Variants in GATB observed in about 807,000 individuals in gnomAD.
GATB encodes the protein glutamyl-tRNA amidotransferase subunit B.
In GATB, 39 loss-of-function variants were observed where a neutral mutation model predicts 62.3. The ratio of observed to expected loss-of-function variants is 0.63; its 90% CI spans 0.48 to 0.82. The LOEUF (loss-of-function observed/expected upper bound fraction) is 0.82, where lower values mean the gene tolerates loss of function less well. GATB is among the 40% of genes least tolerant of loss of function. The pLI is 0.00. For missense variants in GATB, 670 were observed against 684.0 expected (o/e 0.98, Z 0.23); for synonymous variants, 276 against 258.9 (o/e 1.07, Z -0.63).
intron 5 of GATB, among the ~76,000 whole-genome samples, chr4:151,714,044 T>C (rs190899276): frequency 6.6e-6 from 1 of 152,342 alleles, no homozygotes; most frequent in Admixed American, 6.5e-5. Context: ...TAGATATTAT[T>C]ATCGTTGAAA....
In GATB at chr4:151,705,278, A is replaced by G. The variant is rs1738693198; in HGVS notation, c.878-9T>C. 1.3e-6 allele frequency: 2 copies of G among 1,570,026 alleles called. No individual in the cohort carries two copies. Among genetic ancestry groups the G allele is most frequent in the Admixed American group, 1.7e-5 (1 of 59,872 alleles). ...CCTCTGAATTTCATAGTCTAGGAAA[A>G]ACACACTAATTTAGCATCATATTTT... On this transcript the variant is annotated splice_polypyrimidine_tract_variant and intron_variant, in intron 6 of 12. Transcript: ENST00000263985.
intron 5 of GATB, among the ~76,000 whole-genome samples, chr4:151,709,312 G>C (rs2126973601): frequency 6.6e-6 from 1 of 152,288 alleles, no homozygotes; most frequent in East Asian, 1.9e-4. Flanking sequence ...CTCAGAGAAA[G>C]GGAAGGGCTC....
At chr4:151,739,395 T>A (rs1739441029) in intron 2 of GATB, among the ~76,000 whole-genome samples, 1 of 152,194 alleles carries the variant, frequency 6.6e-6, no homozygotes, top group Non-Finnish European at 1.5e-5. Flanking sequence ...TTGTCATCTC[T>A]GGTATGCCAA....
At chr4:151,697,967 A>ATGTGTGTG (rs1553967155) in intron 9 of GATB, among the ~76,000 whole-genome samples, 2 of 101,870 alleles carry the variant, frequency 2.0e-5, no homozygotes, top group Admixed American at 9.7e-5. Flanking sequence ...ATATATATAT[A>ATGTGTGTG]TATATATATA....
At position 151,746,749 on chromosome 4, in the gene GATB, C is replaced by T. The variant is rs80096067; in HGVS notation, c.327+12023G>A. Among the ~76,000 whole-genome samples, 836 of 152,248 alleles carry T rather than the reference C, an allele frequency of 5.5e-3. 2 individuals carry two copies. Among genetic ancestry groups the T allele is most frequent in the Non-Finnish European group, 9.6e-3 (656 of 68,020 alleles). Reference sequence around the variant, plus strand: ...AACATTCAGAATAAGGGTTACTAATCAGAACGGGGAGGGGGTTGGTCAAGA... The same window carrying T: ...AACATTCAGAATAAGGGTTACTAATTAGAACGGGGAGGGGGTTGGTCAAGA... On this transcript the variant is annotated intron_variant, in intron 2 of 12. Coordinates refer to ENST00000263985, the MANE Select transcript of GATB (RefSeq NM_004564.3).
At chr4:151,740,311 G>T (rs141484965) in intron 2 of GATB, among the ~76,000 whole-genome samples, 1 of 152,158 alleles carries the variant, frequency 6.6e-6, no homozygotes, top group Admixed American at 6.5e-5. Flanking sequence ...CATGAACATC[G>T]TAAGAGTGTA....
At chr4:151,673,289 T>G in intron 11 of GATB, 1 of 168,334 alleles carries the variant, frequency 5.9e-6, no homozygotes, top group Non-Finnish European at 1.3e-5. Flanking sequence ...GAGGTGCCCA[T>G]CACTCATGGG....
chr4:151,760,733 T>C (rs1739936568), intron 1 of GATB, 74 bp downstream of exon 1: 2 of 1,376,474 alleles, frequency 1.5e-6, no homozygotes, highest in Non-Finnish European at 1.9e-6. Context: ...AGCTGGGCCG[T>C]AATTGCCATT....
At chr4:151,680,034 G>A (rs1348915342) in intron 10 of GATB, 143 bp from the exon 11 acceptor site, 2 of 643,518 alleles carry the variant, frequency 3.1e-6, no homozygotes, top group Admixed American at 5.6e-5. Flanking sequence ...GGCCAACTGG[G>A]CTCTCTTTTA....
intron 9 of GATB, among the ~76,000 whole-genome samples, chr4:151,698,901 T>TTA (rs1286732893): frequency 6.6e-6 from 1 of 151,954 alleles, no homozygotes; most frequent in Non-Finnish European, 1.5e-5. Context: ...TCCAATCAAG[T>TTA]TAACCACTAC....
intron 2 of GATB, chr4:151,722,249 A>T (rs1444917957): frequency 2.8e-6 from 2 of 702,060 alleles, no homozygotes. Flanking sequence ...TCTATAAAGC[A>T]CTAAACTTTA....
In GATB at chr4:151,760,816, G is replaced by T; in HGVS notation, c.167C>A (p.Thr56Lys). 6.2e-7 allele frequency: 1 copy of T among 1,603,194 alleles called. No individual in the cohort carries two copies. Among genetic ancestry groups the T allele is most frequent in the Non-Finnish European group, 8.5e-7 (1 of 1,174,514 alleles). Reference sequence around the variant, plus strand: ...GTATGAAACAGAATACCCTTTCCTCGTCTTCTGGGCCGTGTGGAGGGGCTG... The same window carrying T: ...GTATGAAACAGAATACCCTTTCCTCTTCTTCTGGGCCGTGTGGAGGGGCTG... ...AQQPLHTAQK[T>K]RKGEHKWAAV... Residue 56 changes from threonine (T) to lysine (K), a missense_variant, in exon 1 of 13, where the codon ACG becomes AAG. Coordinates refer to ENST00000263985, the MANE Select transcript of GATB (RefSeq NM_004564.3).
chr4:151,750,850 T>A (rs1739708339), intron 2 of GATB, among the ~76,000 whole-genome samples: 2 of 151,136 alleles, frequency 1.3e-5, no homozygotes, highest in Admixed American at 1.3e-4. Flanking sequence ...CCCAGGCTGG[T>A]CTCCAACTCC....
At chr4:151,704,600 C>G (rs1738674959) in intron 7 of GATB, among the ~76,000 whole-genome samples, 1 of 151,438 alleles carries the variant, frequency 6.6e-6, no homozygotes, top group South Asian at 2.1e-4. Flanking sequence ...ACTACAGGCG[C>G]CCGCCACCAC....
intron 2 of GATB, among the ~76,000 whole-genome samples, chr4:151,752,825 C>T (rs1307798251): frequency 6.6e-6 from 1 of 152,196 alleles, no homozygotes; most frequent in Non-Finnish European, 1.5e-5. Context: ...TTTTGGCTCT[C>T]AATCTATATT....
intron 9 of GATB, among the ~76,000 whole-genome samples, chr4:151,696,265 C>T (rs1161233030): frequency 6.6e-6 from 1 of 152,104 alleles, no homozygotes; most frequent in Admixed American, 6.5e-5. Flanking sequence ...GTGGATGGCA[C>T]TTTATGTTTA....
chr4:151,758,301 C>A (rs1284831879), intron 2 of GATB, among the ~76,000 whole-genome samples: 1 of 152,170 alleles, frequency 6.6e-6, no homozygotes, highest in Non-Finnish European at 1.5e-5. Flanking sequence ...TCTTCAGTAA[C>A]CCTTCCTTAA....
At chr4:151,742,876 C>A (rs1037078444) in intron 2 of GATB, among the ~76,000 whole-genome samples, 1 of 152,084 alleles carries the variant, frequency 6.6e-6, no homozygotes, top group Non-Finnish European at 1.5e-5. Context: ...TAAGATCACC[C>A]AAGAACTTCA....
chr4:151,737,318 T>C (rs1265784623), intron 2 of GATB, among the ~76,000 whole-genome samples: 1 of 152,206 alleles, frequency 6.6e-6, no homozygotes, highest in Non-Finnish European at 1.5e-5. Context: ...CTGGTGGCAC[T>C]TTGCCCCTGC....
Sources: gnomAD v4.1 joint callset for allele counts (sites outside exome capture counted in the v4.1 genomes callset) on GRCh38, gnomAD v4.1.1 for gene constraint, MANE v1.5 for transcripts, NCBI Gene and HGNC (gene_info 2026-07-23, HGNC 2026-07-21) for gene names.